SNX29: variants seen among roughly 807,000 people sequenced by gnomAD.
The protein encoded by SNX29 is sorting nexin-29.
In SNX29, 78 loss-of-function variants were observed where a neutral mutation model predicts 102.1. The ratio of observed to expected loss-of-function variants is 0.76; its 90% CI spans 0.64 to 0.92. The LOEUF is 0.92. Ranked by LOEUF, SNX29 falls within the 40% of genes least tolerant of loss-of-function variation. The pLI is 0.00. For synonymous variants in SNX29, 580 were observed against 414.5 expected (o/e 1.40, Z -4.85); for missense variants, 1,280 against 1,061.7 (o/e 1.21, Z -2.86).
At chr16:12,355,388 T>C (rs568500303) in intron 15 of SNX29, among the ~76,000 whole-genome samples, 18 of 152,252 alleles carry the variant, frequency 1.2e-4, no homozygotes, top group Admixed American at 9.1e-4. Context: ...CCTGGTATTG[T>C]TTTCGCACTG....
At chr16:12,543,508 T>G (rs536158492) in intron 20 of SNX29, among the ~76,000 whole-genome samples, 1 of 152,240 alleles carries the variant, frequency 6.6e-6, no homozygotes, top group Admixed American at 6.5e-5. Flanking sequence ...TGGCGAGTCA[T>G]TGTGTAAGAA....
At position 12,145,954 on chromosome 16, in the gene SNX29, T is replaced by C. The variant is rs2055049509; in HGVS notation, c.1595+16196T>C. Among the ~76,000 whole-genome samples, 4 of 152,256 alleles carry C rather than the reference T, an allele frequency of 2.6e-5. 1 individual carries two copies. In the South Asian group the frequency reaches 6.2e-4, roughly 24 times the overall value. On this transcript the variant is annotated intron_variant, in intron 13 of 20. Coordinates refer to ENST00000566228, the MANE Select transcript of SNX29 (RefSeq NM_032167.5). ...TAGATTCCAAAAAGTGAAATTCCCATGTTAGAAGGTAAGCATGTTTGTAAA... is the reference window on the plus strand; with the variant it reads ...TAGATTCCAAAAAGTGAAATTCCCACGTTAGAAGGTAAGCATGTTTGTAAA...
chr16:12,519,859 T>C (rs2090026822), intron 19 of SNX29, among the ~76,000 whole-genome samples: 1 of 151,978 alleles, frequency 6.6e-6, no homozygotes. Flanking sequence ...AATACAAAAA[T>C]TAGCTAGGCA....
At chr16:12,547,209 G>A (rs1470639848) in intron 20 of SNX29, among the ~76,000 whole-genome samples, 1 of 152,222 alleles carries the variant, frequency 6.6e-6, no homozygotes, top group East Asian at 1.9e-4. Context: ...GACCCGAAGT[G>A]GAGACCTGAG....
intron 8 of SNX29, among the ~76,000 whole-genome samples, chr16:12,058,909 C>G (rs1020324609): frequency 6.6e-6 from 1 of 150,812 alleles, no homozygotes; most frequent in African/African-American, 2.4e-5. Flanking sequence ...CCTCCCACCT[C>G]AGCCCCTCCA....
chr16:12,242,503 G>A (rs908659615), intron 14 of SNX29, among the ~76,000 whole-genome samples: 3 of 151,284 alleles, frequency 2.0e-5, no homozygotes, highest in Non-Finnish European at 4.4e-5. Context: ...AGAATTAGTC[G>A]GCTAAGTTTC....
At chr16:12,498,956 C>G (rs985899390) in intron 19 of SNX29, among the ~76,000 whole-genome samples, 1 of 152,130 alleles carries the variant, frequency 6.6e-6, no homozygotes, top group Non-Finnish European at 1.5e-5. Context: ...GCTTTGTATG[C>G]TGGGTAATGG....
intron 20 of SNX29, among the ~76,000 whole-genome samples, chr16:12,557,142 C>G (rs1567195116): frequency 6.6e-6 from 1 of 152,008 alleles, no homozygotes; most frequent in African/African-American, 2.4e-5. Context: ...AGTCACTGCC[C>G]CTGGTCACAA....
intron 16 of SNX29, among the ~76,000 whole-genome samples, chr16:12,361,958 A>G (rs1335954540): frequency 1.3e-5 from 2 of 152,092 alleles, no homozygotes; most frequent in Non-Finnish European, 1.5e-5. Flanking sequence ...TTGCGCCTAT[A>G]CATGTTAATA....
At chr16:12,524,428 G>T (rs2090218178) in intron 19 of SNX29, among the ~76,000 whole-genome samples, 1 of 151,750 alleles carries the variant, frequency 6.6e-6, no homozygotes, top group Non-Finnish European at 1.5e-5. Flanking sequence ...GCACATTTTG[G>T]TGCCCCATAA....
intron 19 of SNX29, among the ~76,000 whole-genome samples, chr16:12,512,873 G>T (rs1018150240): frequency 6.6e-6 from 1 of 152,154 alleles, no homozygotes; most frequent in African/African-American, 2.4e-5. Flanking sequence ...GCAGGGCGAG[G>T]CCTGTTTCCT....
chr16:12,481,782 A>G (rs1320050707), intron 19 of SNX29, among the ~76,000 whole-genome samples: 1 of 152,086 alleles, frequency 6.6e-6, no homozygotes, highest in Non-Finnish European at 1.5e-5. Flanking sequence ...TGATCCTCCC[A>G]CCTCGGCCTC....
intron 14 of SNX29, among the ~76,000 whole-genome samples, chr16:12,247,427 C>G (rs1048742350): frequency 1.3e-5 from 2 of 152,260 alleles, no homozygotes; most frequent in Admixed American, 1.3e-4. Context: ...GTTTTTCCCT[C>G]AAAATCATTC....
At chr16:11,987,595 C>G (rs1303669642) in intron 1 of SNX29, among the ~76,000 whole-genome samples, 1 of 152,064 alleles carries the variant, frequency 6.6e-6, no homozygotes, top group African/African-American at 2.4e-5. Flanking sequence ...CGGGGTTTCA[C>G]CATGTTGGCC....
At chr16:12,120,216 ATGATGAT>A (rs1486428312) in intron 11 of SNX29, among the ~76,000 whole-genome samples, 1 of 152,234 alleles carries the variant, frequency 6.6e-6, no homozygotes, top group Non-Finnish European at 1.5e-5. Context: ...AGTTTGAAAA[ATGATGAT>A]GTAGGTTAAG....
intron 18 of SNX29, among the ~76,000 whole-genome samples, chr16:12,459,727 A>G (rs2086697369): frequency 6.6e-6 from 1 of 152,184 alleles, no homozygotes; most frequent in African/African-American, 2.4e-5. Context: ...ATGGCCTCGC[A>G]GCTAACCTTG....
rs146915096 is a variant in SNX29, at chr16:12,373,507, C to G, written c.1899+17228C>G. Among the ~76,000 whole-genome samples the G allele has an allele frequency of 3.9e-5, 6 of 152,288 alleles. No homozygotes were observed. The East Asian group carries it at 1.2e-3, about 29-fold the overall frequency. On this transcript the variant is annotated intron_variant, in intron 16 of 20. Transcript: ENST00000566228. Reference sequence around the variant, plus strand: ...ATGAGGTTTTAAACAGTAAATGCCTCTAAATCATCCAAAGTAGGGAATAAA... The same window carrying G: ...ATGAGGTTTTAAACAGTAAATGCCTGTAAATCATCCAAAGTAGGGAATAAA...
At chr16:12,155,344 G>T (rs73519875) in intron 13 of SNX29, among the ~76,000 whole-genome samples, 1 of 152,116 alleles carries the variant, frequency 6.6e-6, no homozygotes, top group Non-Finnish European at 1.5e-5. Flanking sequence ...AAGAACAGGC[G>T]CAATTTAGCA....
intron 18 of SNX29, among the ~76,000 whole-genome samples, chr16:12,436,813 C>A (rs1304827623): frequency 6.6e-6 from 1 of 152,188 alleles, no homozygotes; most frequent in Non-Finnish European, 1.5e-5. Flanking sequence ...GCCACCATGC[C>A]CGGCTAATTT....
Sources: gnomAD v4.1 joint callset for allele counts (sites outside exome capture counted in the v4.1 genomes callset) on GRCh38, gnomAD v4.1.1 for gene constraint, MANE v1.5 for transcripts, NCBI Gene and HGNC (gene_info 2026-07-23, HGNC 2026-07-21) for gene names.